Variants in ZNF148 observed in about 807,000 individuals in gnomAD.
ZNF148 encodes zinc finger protein 148.
A neutral mutation model predicts 67.7 loss-of-function variants in ZNF148; 7 were observed. The ratio of observed to expected loss-of-function variants is 0.10; its 90% CI spans 0.06 to 0.19. The LOEUF (loss-of-function observed/expected upper bound fraction) is 0.19. Among genes scored for constraint, ZNF148 ranks in the 10% least tolerant of loss-of-function variants. The probability of loss-of-function intolerance (pLI) is 1.00; values close to 1 mark genes in which losing one functional copy is unlikely to be tolerated. For missense variants in ZNF148, 583 were observed against 947.1 expected (o/e 0.62, Z 5.05); for synonymous variants, 333 against 330.7 (o/e 1.01, Z -0.08).
At chr3:125,341,188 C>T (rs1269625845) in intron 1 of ZNF148, among the ~76,000 whole-genome samples, 1 of 149,562 alleles carries the variant, frequency 6.7e-6, no homozygotes, top group Admixed American at 6.6e-5. Context: ...AAAAAAACAG[C>T]CATAATAAAA....
rs888924074 is a variant in ZNF148, at chr3:125,227,031, A to G, written c.*5310T>C. The stretch of plus-strand genomic sequence containing the variant: ...CGAGTTTGCAGTTGAGTCCTTCCCA[A>G]TGATTTCTTAGGGAGTTGAAGAAAC... On this transcript the variant is annotated 3_prime_UTR_variant, in exon 9 of 9. Transcript: ENST00000360647. The G allele has an allele frequency of 6.6e-6, 1 of 152,208 alleles. No individual in the cohort carries two copies. Among genetic ancestry groups the G allele is most frequent in the Non-Finnish European group, 1.5e-5 (1 of 68,008 alleles). The allele number at this position is 152,208 out of a possible 1,614,324, so 9.4% of individuals were successfully genotyped here. A position where few individuals can be genotyped will look rare whatever the true frequency, so the allele number is the denominator to read the frequency against.
chr3:125,251,602 C>T lies in ZNF148; in HGVS notation c.668-17273G>A, dbSNP rs551906046. On this transcript the variant is annotated intron_variant, in intron 7 of 8. Coordinates refer to ENST00000360647, the MANE Select transcript of ZNF148 (RefSeq NM_021964.3). ...TGAATGGAATTATATAGTATATATT[C>T]TTTTGTGTCTTTTAGTCAATGTTAT... 1.1e-4 allele frequency among the ~76,000 whole-genome samples: 16 copies of T among 152,268 alleles called. No individual in the cohort carries two copies. The South Asian group carries it at 1.2e-3, about 12-fold the overall frequency.
At chr3:125,240,779 A>C (rs889680305) in intron 7 of ZNF148, among the ~76,000 whole-genome samples, 13 of 150,142 alleles carry the variant, frequency 8.7e-5, no homozygotes, top group South Asian at 2.1e-4. Flanking sequence ...AAAAAAAAAA[A>C]ACCAAAAACC....
intron 4 of ZNF148, among the ~76,000 whole-genome samples, chr3:125,297,755 T>G (rs1043965695): frequency 6.6e-6 from 1 of 152,084 alleles, no homozygotes; most frequent in African/African-American, 2.4e-5. Flanking sequence ...CAAGATCAAA[T>G]AGCAAGGATA....
intron 7 of ZNF148, among the ~76,000 whole-genome samples, chr3:125,265,097 A>G (rs1937506229): frequency 6.6e-6 from 1 of 152,242 alleles, no homozygotes; most frequent in African/African-American, 2.4e-5. Context: ...CAAGGTGGAA[A>G]ATGAACAAAA....
chr3:125,332,619 C>A (rs1450280194), intron 1 of ZNF148, among the ~76,000 whole-genome samples: 1 of 152,206 alleles, frequency 6.6e-6, no homozygotes, highest in African/African-American at 2.4e-5. Flanking sequence ...CAATTACAGA[C>A]TGCCACCTGA....
chr3:125,374,175 G>C (rs567567624), intron 1 of ZNF148, among the ~76,000 whole-genome samples: 3 of 151,998 alleles, frequency 2.0e-5, no homozygotes, highest in Admixed American at 6.6e-5. Flanking sequence ...CCAAACTACA[G>C]ACTAAAATCT....
At chr3:125,269,085 A>G (rs1937607218) in intron 7 of ZNF148, among the ~76,000 whole-genome samples, 1 of 151,800 alleles carries the variant, frequency 6.6e-6, no homozygotes. Flanking sequence ...CGTATGAAAA[A>G]GGTCAGGCAC....
At chr3:125,368,972 G>A (rs906270457) in intron 1 of ZNF148, among the ~76,000 whole-genome samples, 1 of 151,226 alleles carries the variant, frequency 6.6e-6, no homozygotes, top group East Asian at 2.0e-4. Context: ...ACAAAAGTGT[G>A]CCTCTTGGGC....
chr3:125,328,998 GATAT>G (rs10565589), intron 2 of ZNF148, among the ~76,000 whole-genome samples: 108,971 of 147,372 alleles, frequency 0.74, 40,438 homozygotes, highest in Middle Eastern at 0.8. Flanking sequence ...TTATACTACT[GATAT>G]ATATATATAT....
intron 3 of ZNF148, among the ~76,000 whole-genome samples, chr3:125,319,661 G>A (rs1294053417): frequency 6.6e-6 from 1 of 152,184 alleles, no homozygotes; most frequent in Non-Finnish European, 1.5e-5. Context: ...GTGCTGAGAT[G>A]TAAGACACTG....
chr3:125,235,860 A>C (rs1293378031), intron 7 of ZNF148, among the ~76,000 whole-genome samples: 1 of 150,150 alleles, frequency 6.7e-6, no homozygotes, highest in South Asian at 2.1e-4. Context: ...ACAAAAAACC[A>C]AACACTGCAT....
chr3:125,374,889 C>G (rs1943013576), intron 1 of ZNF148, among the ~76,000 whole-genome samples: 1 of 151,956 alleles, frequency 6.6e-6, no homozygotes, highest in Admixed American at 6.5e-5. Context: ...TCCTCAACCC[C>G]CCAACCCACC....
intron 1 of ZNF148, among the ~76,000 whole-genome samples, chr3:125,342,034 G>A (rs551306405): frequency 3.3e-5 from 5 of 151,240 alleles, no homozygotes; most frequent in East Asian, 3.9e-4. Flanking sequence ...GAAGAGAATC[G>A]TTGAACTTGA....
intron 1 of ZNF148, among the ~76,000 whole-genome samples, chr3:125,349,304 G>GA (rs1942056133): frequency 6.6e-6 from 1 of 152,094 alleles, no homozygotes; most frequent in Admixed American, 6.6e-5. Flanking sequence ...TATGAAATGG[G>GA]AAAAAATATT....
chr3:125,285,863 C>A (rs1938629099), intron 5 of ZNF148, among the ~76,000 whole-genome samples: 1 of 152,136 alleles, frequency 6.6e-6, no homozygotes, highest in Non-Finnish European at 1.5e-5. Flanking sequence ...TTAAATAATA[C>A]CTTTAGAAAT....
In ZNF148 at chr3:125,232,738, A is replaced by G; in HGVS notation, c.1988T>C (p.Met663Thr). ...TMPINSFRSG[M>T]NSPLRTTPDK... ...TGGAGTTGTTCTTAGTGGAGAATTC[A>G]TTCCTGATCGAAAGCTATTGATGGG... Residue 663 changes from methionine (M) to threonine (T), a missense_variant, in exon 9 of 9, where the codon ATG (methionine) becomes ACG (threonine). Physicochemically the swap from Met to Thr is moderately conservative, Grantham distance 81 (BLOSUM62 -1). This residue lies in a region of ZNF148 where 158 missense variants were observed against 208.4 expected (regional missense o/e 0.76). Transcript: ENST00000360647. The surrounding 1 kb of genome is among the most constrained non-coding windows in gnomAD (Gnocchi z 4.2). 1.2e-6 allele frequency: 2 copies of G among 1,613,890 alleles called. No homozygotes were observed. Among genetic ancestry groups the G allele is most frequent in the Non-Finnish European group, 8.5e-7 (1 of 1,179,820 alleles).
chr3:125,269,781 G>T (rs367623757), intron 7 of ZNF148, among the ~76,000 whole-genome samples: 1 of 152,132 alleles, frequency 6.6e-6, no homozygotes, highest in Non-Finnish European at 1.5e-5. Context: ...GCCACAAAAA[G>T]AGCAAAATCA....
intron 1 of ZNF148, among the ~76,000 whole-genome samples, chr3:125,348,262 G>GA (rs1164033588): frequency 1.7e-4 from 25 of 147,282 alleles, no homozygotes; most frequent in South Asian, 8.6e-4. Flanking sequence ...TTGTCTCCAA[G>GA]AAAAAAAAAA....
Sources: gnomAD v4.1 joint callset for allele counts (sites outside exome capture counted in the v4.1 genomes callset) on GRCh38, gnomAD v4.1.1 for gene constraint, gnomAD v4.1.1 regional missense constraint, Gnocchi (gnomAD v3.1) non-coding constraint, MANE v1.5 for transcripts, NCBI Gene and HGNC (gene_info 2026-07-23, HGNC 2026-07-21) for gene names.